SZT2: variants seen among roughly 807,000 people sequenced by gnomAD.
SZT2 encodes the protein SZT2 subunit of KICSTOR complex, also known as KICSTOR complex protein SZT2.
SZT2 carries 216 observed loss-of-function variants against 404.2 expected under a neutral mutation model. That is an observed-to-expected ratio of 0.53 (90% CI 0.48 to 0.60). The LOEUF (loss-of-function observed/expected upper bound fraction) is 0.60, where lower values mean the gene tolerates loss of function less well. Ranked by LOEUF, SZT2 falls within the 20% of genes least tolerant of loss-of-function variation. The pLI is 0.00. For missense variants in SZT2, 3,857 were observed against 4,459.2 expected, an observed-to-expected ratio of 0.86 and a Z score of 3.85; for synonymous variants, 1,693 against 1,749.9, an observed-to-expected ratio of 0.97 and a Z score of 0.81.
At chr1:43,391,832 A>AAAAT (rs1195974572) in intron 1 of SZT2, among the ~76,000 whole-genome samples, 57,080 of 111,822 alleles carry the variant, frequency 0.51, 18,199 homozygotes, top group Middle Eastern at 0.57. Context: ...CTGTAATCCC[A>AAAAT]GCACTTTGGG....
chr1:43,420,658 C>G lies in SZT2; in HGVS notation c.1262-91C>G. The G allele has an allele frequency of 7.8e-7, 1 of 1,275,632 alleles. No individual in the cohort carries two copies. The highest frequency in any genetic ancestry group is 1.1e-6 in the Non-Finnish European group (1 of 919,808). The allele number at this position is 1,275,632 out of a possible 1,614,324, so 79.0% of individuals were successfully genotyped here. On this transcript the variant is annotated intron_variant, in intron 9 of 71. Coordinates refer to ENST00000634258, the MANE Select transcript of SZT2 (RefSeq NM_001365999.1). The surrounding 1 kb of genome is among the most constrained non-coding windows in gnomAD (Gnocchi z 5.1). ...TTGGAACCTTTGGCAGGACTGGGTT[C>G]CATGAGGTAGGTGGGGGTTTCAGAT...
intron 1 of SZT2, among the ~76,000 whole-genome samples, chr1:43,401,674 C>T (rs577100957): frequency 2.0e-5 from 3 of 151,798 alleles, no homozygotes; most frequent in East Asian, 3.9e-4. Flanking sequence ...TTAGTAGAGA[C>T]GGGGTTTCAC....
In SZT2 at chr1:43,424,878, C is replaced by T. The variant is rs753018852; in HGVS notation, c.2550+16C>T. 34 of 1,611,306 alleles carry T rather than the reference C, an allele frequency of 2.1e-5. No individual in the cohort carries two copies. Among genetic ancestry groups the T allele is most frequent in the Non-Finnish European group, 2.7e-5 (32 of 1,177,468 alleles). ...TCCAATTCAGGTACGTGCCATCCCC[C>T]ATGACACCTCCCTGCCAAGGTCTGT... On this transcript the variant is annotated intron_variant, in intron 17 of 71. Transcript: ENST00000634258. The surrounding 1 kb of genome is among the most constrained non-coding windows in gnomAD (Gnocchi z 4.1).
Position 43,452,556 on chromosome 1 carries a change from A to G in SZT2, c.*2076A>G. The G allele has an allele frequency of 1.6e-6, 1 of 626,278 alleles. No homozygotes were observed. The highest frequency in any genetic ancestry group is 2.9e-6 in the Non-Finnish European group (1 of 346,200). 38.8% of individuals were successfully genotyped at this position (626,278 alleles called of 1,614,324 possible). ...CGCCTCCTGCCTCCAGTACTTTCCA[A>G]AACCTTTCCTTCCCTCGGTCCTTCT... On this transcript the variant is annotated 3_prime_UTR_variant, in exon 72 of 72. Coordinates refer to ENST00000634258, the MANE Select transcript of SZT2 (RefSeq NM_001365999.1).
Position 43,426,917 on chromosome 1 carries a change from A to G in SZT2, c.3309+108A>G, listed in dbSNP as rs994273771. 68 of 1,548,980 alleles carry G rather than the reference A, an allele frequency of 4.4e-5. 3 individuals are homozygous for G. Among genetic ancestry groups the G allele is most frequent in the South Asian group, 1.2e-5 (1 of 85,060 alleles). On this transcript the variant is annotated intron_variant, in intron 23 of 71. Transcript: ENST00000634258. This position sits in a 1 kb window ranked among gnomAD's most constrained non-coding sequence, Gnocchi z 4.9. ...CCCTTGAGACTAAATGGCATCTGCC[A>G]ATGACACAATGCCGTCATTTTCCAT... is the stretch of plus-strand genomic sequence containing the variant.
chr1:43,428,741 TC>T, intron 28 of SZT2: 3 of 506,496 alleles, frequency 5.9e-6, no homozygotes, highest in Non-Finnish European at 1.1e-5. Flanking sequence ...GGATAGGGAG[TC>T]CCCTGGTGCT....
At position 43,424,486 on chromosome 1, in the gene SZT2, A is replaced by G. The variant is rs1207203032; in HGVS notation, c.2471+54A>G. 2 of 1,548,812 alleles carry G rather than the reference A, an allele frequency of 1.3e-6. No individual in the cohort carries two copies. The highest frequency in any genetic ancestry group is 1.1e-5 in the South Asian group (1 of 89,280). On this transcript the variant is annotated intron_variant, in intron 16 of 71. Transcript: ENST00000634258. This position sits in a 1 kb window ranked among gnomAD's most constrained non-coding sequence, Gnocchi z 4.1. ...CGGGGCAAGGAGAGAGCAAGTGTAG[A>G]CTGGGACACTAGCAAAAAGCCTATA...
In SZT2 at chr1:43,452,761, G is replaced by C. The variant is rs1040252477; in HGVS notation, c.*2281G>C. Reference sequence around the variant, plus strand: ...TGATCCCCTCTTGCCAGTTCCTTCTGAGCCTGTTTGGCCTCTGCAGGATTT... The same window carrying C: ...TGATCCCCTCTTGCCAGTTCCTTCTCAGCCTGTTTGGCCTCTGCAGGATTT... On this transcript the variant is annotated 3_prime_UTR_variant, in exon 72 of 72. Coordinates refer to ENST00000634258, the MANE Select transcript of SZT2 (RefSeq NM_001365999.1). 1.5e-5 allele frequency: 12 copies of C among 804,444 alleles called. No individual in the cohort carries two copies. Among genetic ancestry groups the C allele is most frequent in the Middle Eastern group, 3.4e-4 (1 of 2,984 alleles). The allele number at this position is 804,444 out of a possible 1,614,324, so 49.8% of individuals were successfully genotyped here. A position where few individuals can be genotyped will look rare whatever the true frequency, so the allele number is the denominator to read the frequency against.
At position 43,399,466 on chromosome 1, in the gene SZT2, A is replaced by ATT. The variant is rs58653132; in HGVS notation, c.28-3690_28-3689dup. On this transcript the variant is annotated intron_variant, in intron 1 of 71. Coordinates refer to ENST00000634258, the MANE Select transcript of SZT2 (RefSeq NM_001365999.1). ...CTAAATCACACAGTAGCCAGAGGGA[A>ATT]TTTTTTTTTTTTTTTTTTTTTTGAG... 9.8e-3 allele frequency among the ~76,000 whole-genome samples: 1,192 copies of ATT among 121,940 alleles called. 28 individuals carry two copies. Among genetic ancestry groups the ATT allele is most frequent in the African/African-American group, 0.035 (1,069 of 30,248 alleles). 80.0% of individuals were successfully genotyped at this position (121,940 alleles called of 152,430 possible). A position where few individuals can be genotyped will look rare whatever the true frequency, so the allele number is the denominator to read the frequency against.
chr1:43,403,103 T>G (rs931640253), intron 1 of SZT2, 74 bp from the exon 2 acceptor site: 1 of 1,531,578 alleles, frequency 6.5e-7, no homozygotes, highest in East Asian at 2.3e-5. Flanking sequence ...GGCAAATTAT[T>G]TGGACAGTGA....
In SZT2 at chr1:43,397,459, C is replaced by CTTTA. The variant is rs1237739797; in HGVS notation, c.28-5718_28-5717insTTTA. ...AAAAAGAAAAGAAACAATATGTAGA[C>CTTTA]ATGGCCTCCACCTCGCTGGATCTTC... On this transcript the variant is annotated intron_variant, in intron 1 of 71. Coordinates refer to ENST00000634258, the MANE Select transcript of SZT2 (RefSeq NM_001365999.1). 1.2e-3 allele frequency among the ~76,000 whole-genome samples: 182 copies of CTTTA among 151,632 alleles called. No homozygotes were observed. In the East Asian group the frequency reaches 0.024, roughly 20 times the overall value.
At chr1:43,394,186 G>C (rs892602112) in intron 1 of SZT2, 37 of 342,496 alleles carry the variant, frequency 1.1e-4, no homozygotes, top group Non-Finnish European at 1.5e-4. Flanking sequence ...TTAGAATGTA[G>C]ATTCTGGAGC....
rs1653004113 is a variant in SZT2, at chr1:43,425,284, A to G, written c.2645+77A>G. ...ACCATCCCCTAGAGGTCTGGCTCCC[A>G]TATCCTGAGATGATCTTGATCCCAA... On this transcript the variant is annotated intron_variant, in intron 18 of 71. Transcript: ENST00000634258. This position sits in a 1 kb window ranked among gnomAD's most constrained non-coding sequence, Gnocchi z 4.3. The G allele has an allele frequency of 1.3e-6, 2 of 1,562,166 alleles. No individual in the cohort carries two copies. The highest frequency in any genetic ancestry group is 1.7e-4 in the Middle Eastern group (1 of 5,914).
At position 43,437,872 on chromosome 1, in the gene SZT2, C is replaced by T. The variant is rs565901539; in HGVS notation, c.6478C>T (p.Gln2160Ter). ...RPVGQVDRHIQLLVHGVGQAG... is the reference protein window; with the variant it reads ...RPVGQVDRHI ...TGTGGGCCAAGTGGACAGACATATC[C>T]AGCTGCTGGTCCATGGTGTTGGGCA... The change falls in exon 46 of 72, where the codon CAG (glutamine) becomes TAG (stop). Residue 2160 changes from glutamine (Q) to a stop codon, truncating the protein, a stop_gained. Coordinates refer to ENST00000634258, the MANE Select transcript of SZT2 (RefSeq NM_001365999.1). LOFTEE classifies it high-confidence loss of function. This position sits in a 1 kb window ranked among gnomAD's most constrained non-coding sequence, Gnocchi z 5.3. 6.2e-7 allele frequency: 1 copy of T among 1,614,188 alleles called. No individual in the cohort carries two copies.
chr1:43,442,043 C>T lies in SZT2; in HGVS notation c.7786C>T (p.Leu2596=), dbSNP rs1432262480. 6.2e-7 allele frequency: 1 copy of T among 1,614,128 alleles called. No individual in the cohort carries two copies. Among genetic ancestry groups the T allele is most frequent in the East Asian group, 2.2e-5 (1 of 44,874 alleles). The change falls in exon 56 of 72, where the codon CTG becomes TTG. Residue 2596 remains leucine (L), a synonymous_variant. Transcript: ENST00000634258. The surrounding 1 kb of genome is among the most constrained non-coding windows in gnomAD (Gnocchi z 4.5). ...EIFGPCSPGQ[L]GPSPRPAAER... is the part of the protein sequence containing the mutation. ...CTTCGGCCCTTGTTCCCCTGGGCAACTGGGCCCCTCTCCCCGCCCTGCAGC... is the reference window on the plus strand; with the variant it reads ...CTTCGGCCCTTGTTCCCCTGGGCAATTGGGCCCCTCTCCCCGCCCTGCAGC...
rs1557512847 is a variant in SZT2 at position 43,403,718 on chromosome 1, G to T, written c.271G>T (p.Ala91Ser). 2 of 1,614,130 alleles carry T rather than the reference G, an allele frequency of 1.2e-6. No homozygotes were observed. Among genetic ancestry groups the T allele is most frequent in the East Asian group, 2.2e-5 (1 of 44,878 alleles). Reference sequence around the variant, plus strand: ...ACCTTCCACCCGGGTCACCTTCCTGGCTTGGCAGTATCGGTTTGTCATTGA... The same window carrying T: ...ACCTTCCACCCGGGTCACCTTCCTGTCTTGGCAGTATCGGTTTGTCATTGA... ...LVPSTRVTFL[A>S]WQYRFVIELD... Residue 91 changes from alanine to serine, a missense_variant, in exon 3 of 72, where the codon GCT becomes TCT. Ala to Ser is a moderately conservative substitution (Grantham distance 99). This residue lies in a region of SZT2 where 536 missense variants were observed against 637.4 expected (regional missense o/e 0.84). Transcript: ENST00000634258.
intron 1 of SZT2, among the ~76,000 whole-genome samples, chr1:43,398,864 A>G (rs1476494059): frequency 6.6e-6 from 1 of 152,094 alleles, no homozygotes; most frequent in Non-Finnish European, 1.5e-5. Flanking sequence ...GGCAGATCAC[A>G]AGGTCAGGAG....
rs1446511980 is a variant in SZT2 at position 43,432,798 on chromosome 1, A to C, written c.5601A>C (p.Leu1867=). 6.2e-7 allele frequency: 1 copy of C among 1,613,686 alleles called. No homozygotes were observed. Among genetic ancestry groups the C allele is most frequent in the Non-Finnish European group, 8.5e-7 (1 of 1,179,826 alleles). The change falls in exon 39 of 72, where the codon CTA becomes CTC. Residue 1867 remains leucine, a splice_region_variant and synonymous_variant. Transcript: ENST00000634258. ...SSQGSVDSDH[L]GYDGGSSGSD... ...AGGGCAGTGTGGACTCAGACCACCT[A>C]GGTAAGCTGGGGGGACGGGGTGAAG... is the stretch of plus-strand genomic sequence containing the variant.
chr1:43,435,118 C>T, intron 41 of SZT2, 82 bp from the exon 42 acceptor site: 1 of 1,507,454 alleles, frequency 6.6e-7, no homozygotes, highest in Non-Finnish European at 9.1e-7. Context: ...GTCATTCTCT[C>T]TGGCATTTGA....
Sources: allele counts gnomAD v4.1 joint callset (sites outside exome capture counted in the v4.1 genomes callset), GRCh38; gene constraint gnomAD v4.1.1; regional missense constraint gnomAD v4.1.1; non-coding constraint Gnocchi (gnomAD v3.1); transcripts MANE v1.5; gene names NCBI Gene and HGNC (gene_info 2026-07-23, HGNC 2026-07-21).